SH3TC1: variants seen among roughly 807,000 people sequenced by gnomAD.
The protein encoded by SH3TC1 is SH3 domain and tetratricopeptide repeat-containing protein 1.
SH3TC1 carries 135 observed loss-of-function variants against 117.3 expected under a neutral mutation model. The observed-to-expected ratio is 1.15, with a 90% CI of 1.00 to 1.33. The LOEUF is 1.33. Among genes scored for constraint, SH3TC1 ranks in the 40% most tolerant of loss-of-function variants. The pLI, the probability that SH3TC1 is intolerant of heterozygous loss-of-function variation, is 0.00. For missense variants in SH3TC1, 2,092 were observed against 1,794.3 expected, an observed-to-expected ratio of 1.17 and a Z score of -3.00; for synonymous variants, 898 against 816.9, an observed-to-expected ratio of 1.10 and a Z score of -1.69.
At position 8,205,215 on chromosome 4, in the gene SH3TC1, G is replaced by C. The variant is rs1718101037; in HGVS notation, c.21G>C (p.Val7=). Residue 7 remains valine, a synonymous_variant, in exon 2 of 18, where the codon GTG becomes GTC. Transcript: ENST00000245105. The surrounding 1 kb of genome is among the most constrained non-coding windows in gnomAD (Gnocchi z 5.4). ...GGGTCATGGAGAACCTCCCTGCCGT[G>C]ACCACTGAGGAGCCGACCCCCATGG... The part of the protein sequence containing the change: MENLPA[V]TTEEPTPMGR... The C allele has an allele frequency of 6.5e-7, 1 of 1,543,874 alleles. No individual in the cohort carries two copies. Among genetic ancestry groups the C allele is most frequent in the Non-Finnish European group, 8.7e-7 (1 of 1,144,848 alleles).
At chr4:8,236,171 G>A in intron 15 of SH3TC1, 107 bp from the exon 16 acceptor site, 3 of 1,353,452 alleles carry the variant, frequency 2.2e-6, no homozygotes, top group Non-Finnish European at 2.0e-6. Flanking sequence ...TCGAGGCCCA[G>A]GGGTAGCTGG....
chr4:8,222,439 A>C lies in SH3TC1; in HGVS notation c.1113-401A>C, dbSNP rs368115965. On this transcript the variant is annotated intron_variant, in intron 9 of 17. Coordinates refer to ENST00000245105, the MANE Select transcript of SH3TC1 (RefSeq NM_018986.5). ...CCCAGGCTGGAGTGCAGTGGTGTGA[A>C]CTCGGCTCACTGCAACCTCTTCCTC... 3.8e-5 allele frequency among the ~76,000 whole-genome samples: 5 copies of C among 130,204 alleles called. No homozygotes were observed. In the East Asian group the frequency reaches 9.4e-4, roughly 24 times the overall value. 85.4% of individuals were successfully genotyped at this position (130,204 alleles called of 152,430 possible). A position where few individuals can be genotyped will look rare whatever the true frequency, so the allele number is the denominator to read the frequency against.
chr4:8,228,780 C>A, intron 12 of SH3TC1, 136 bp downstream of exon 12: 1 of 766,450 alleles, frequency 1.3e-6, no homozygotes. Flanking sequence ...CAGATGTTGG[C>A]AAGCGCCCTG....
At chr4:8,201,143 G>C (rs1284926295) in intron 1 of SH3TC1, among the ~76,000 whole-genome samples, 1 of 152,166 alleles carries the variant, frequency 6.6e-6, no homozygotes, top group Non-Finnish European at 1.5e-5. Context: ...TTCCGTAAGA[G>C]CCTGGCGAAA....
chr4:8,183,330 C>T lies in SH3TC1; in HGVS notation c.-57+1120C>T, dbSNP rs1717130637. Among the ~76,000 whole-genome samples, 1 of 152,214 alleles carries T rather than the reference C, an allele frequency of 6.6e-6. No individual in the cohort carries two copies. The highest frequency in any genetic ancestry group is 1.5e-5 in the Non-Finnish European group (1 of 68,024). ...TCACGCCTGGGGCTAGGATGCCCTT[C>T]CAAAGCCCTGCCTCGGTTTCCTGGT... On this transcript the variant is annotated intron_variant, in intron 1 of 16. Transcript: ENST00000508641. This position sits in a 1 kb window ranked among gnomAD's most constrained non-coding sequence, Gnocchi z 5.4.
chr4:8,230,783 CT>C (rs59242411), intron 12 of SH3TC1, among the ~76,000 whole-genome samples: 2,010 of 134,112 alleles, frequency 0.015, 36 homozygotes, highest in African/African-American at 0.048. Flanking sequence ...ATATGCTGTG[CT>C]TTTTTTTTTT....
rs1166779528 is a variant in SH3TC1 at position 8,217,129 on chromosome 4, A to T, written c.801A>T (p.Ala267=). Reference sequence around the variant, plus strand: ...CCAGCGTGTCCTCCGAGGAGGTGGCAGTGGCGGCCGCCCCGGAGCCTTTGA... The same window carrying T: ...CCAGCGTGTCCTCCGAGGAGGTGGCTGTGGCGGCCGCCCCGGAGCCTTTGA... ...PSPSVSSEEV[A]VAAAPEPLIP... The change falls in exon 7 of 18, where the codon GCA becomes GCT. Residue 267 remains alanine (A), a synonymous_variant. Coordinates refer to ENST00000245105, the MANE Select transcript of SH3TC1 (RefSeq NM_018986.5). The T allele has an allele frequency of 3.1e-6, 5 of 1,613,072 alleles. No homozygotes were observed. The highest frequency in any genetic ancestry group is 2.5e-6 in the Non-Finnish European group (3 of 1,179,694).
At chr4:8,195,346 G>A (rs1408647082), upstream of SH3TC1, among the ~76,000 whole-genome samples, 1 of 152,146 alleles carries the variant, frequency 6.6e-6, no homozygotes, top group African/African-American at 2.4e-5. Context: ...CCTGAGCTGG[G>A]GTTCGGACAG....
intron 1 of SH3TC1, among the ~76,000 whole-genome samples, chr4:8,191,030 G>A (rs1327152191): frequency 6.6e-6 from 1 of 152,196 alleles, no homozygotes; most frequent in Non-Finnish European, 1.5e-5. Context: ...CTGCAGGGCT[G>A]CTGTGGGGGC....
At chr4:8,198,972 G>A (rs1233096266), upstream of SH3TC1, among the ~76,000 whole-genome samples, 2 of 152,240 alleles carry the variant, frequency 1.3e-5, no homozygotes, top group Non-Finnish European at 2.9e-5. Context: ...AAATGGAAGA[G>A]GAACAGAGAT....
At chr4:8,212,484 C>T (rs529102728) in intron 3 of SH3TC1, among the ~76,000 whole-genome samples, 19 of 152,178 alleles carry the variant, frequency 1.2e-4, no homozygotes, top group Admixed American at 2.6e-4. Flanking sequence ...GCACTCACCC[C>T]GAAAGAAACA....
At chr4:8,236,466 C>T (rs1473772156) in intron 16 of SH3TC1, 38 bp downstream of exon 16, 4 of 1,412,576 alleles carry the variant, frequency 2.8e-6, no homozygotes, top group African/African-American at 1.5e-5. Context: ...AGGACCCACA[C>T]TTTGCCAGAG....
At chr4:8,239,317 G>GCA (rs200173464) in intron 17 of SH3TC1, among the ~76,000 whole-genome samples, 2,389 of 147,844 alleles carry the variant, frequency 0.016, 62 homozygotes, top group African/African-American at 0.053. Context: ...ACAGGCACAG[G>GCA]CACAGAGACA....
At chr4:8,184,101 G>A (rs932941330) in intron 1 of SH3TC1, among the ~76,000 whole-genome samples, 2 of 152,154 alleles carry the variant, frequency 1.3e-5, no homozygotes, top group Non-Finnish European at 2.9e-5. Flanking sequence ...AGGCATATAT[G>A]TGTACACCAA....
rs140242226 is a variant in SH3TC1, at chr4:8,216,217, C to T, written c.588C>T (p.Asn196=). ...ETAIQVHVDE[N]ALRLTHESLL... ...CCATCCAAGTCCATGTGGATGAGAA[C>T]GCCTTAAGGCTGACCCACGAGAGCC... The change falls in exon 6 of 18, where the codon AAC becomes AAT. Residue 196 remains asparagine, a synonymous_variant. Transcript: ENST00000245105. 2.7e-4 allele frequency: 434 copies of T among 1,613,798 alleles called. 1 individual carries two copies. The African/African-American group carries it at 5.1e-3, about 19-fold the overall frequency.
intron 3 of SH3TC1, 147 bp from the exon 4 acceptor site, chr4:8,212,554 A>G: frequency 9.0e-7 from 1 of 1,105,094 alleles, no homozygotes; most frequent in Non-Finnish European, 1.3e-6. Flanking sequence ...TTGAGATCTA[A>G]ACCCGGGGCT....
chr4:8,203,297 T>C (rs963447192), intron 1 of SH3TC1, among the ~76,000 whole-genome samples: 1 of 151,878 alleles, frequency 6.6e-6, no homozygotes, highest in African/African-American at 2.4e-5. Flanking sequence ...TGTGTGTGTG[T>C]GCTTGCACAC....
rs1336085873 is a variant in SH3TC1, at chr4:8,183,940, C to CG, written c.-57+1734dup. The stretch of plus-strand genomic sequence containing the variant: ...CTAATTTTTGTATTTTTAGTAGATA[C>CG]GGGGTTTCACCATGTTGGCCAGGCT... On this transcript the variant is annotated intron_variant, in intron 1 of 16. Coordinates refer to the SH3TC1 transcript ENST00000508641. This position sits in a 1 kb window ranked among gnomAD's most constrained non-coding sequence, Gnocchi z 5.4. Among the ~76,000 whole-genome samples, 1 of 152,072 alleles carries CG rather than the reference C, an allele frequency of 6.6e-6. No homozygotes were observed. The highest frequency in any genetic ancestry group is 1.5e-5 in the Non-Finnish European group (1 of 68,030).
rs1225552270 is a variant in SH3TC1, at chr4:8,219,341, G to C, written c.923G>C (p.Gly308Ala). The C allele has an allele frequency of 7.5e-6, 12 of 1,589,538 alleles. No individual in the cohort carries two copies. The highest frequency in any genetic ancestry group is 1.0e-5 in the Non-Finnish European group (12 of 1,164,018). ...VMPGNPLMAV[G>A]LASALADFQG... is the part of the protein sequence containing the mutation. ...ATGTGGCTTTCTTCCGCAGCTGTGG[G>C]CCTGGCCTCGGCATTGGCAGACTTC... is the stretch of plus-strand genomic sequence containing the variant. Residue 308 changes from glycine to alanine, a missense_variant, in exon 9 of 18, where the codon GGC becomes GCC. By Grantham distance (60) the Gly-to-Ala change is moderately conservative (BLOSUM62 0). Coordinates refer to ENST00000245105, the MANE Select transcript of SH3TC1 (RefSeq NM_018986.5).
Sources: allele counts gnomAD v4.1 joint callset (sites outside exome capture counted in the v4.1 genomes callset), GRCh38; gene constraint gnomAD v4.1.1; non-coding constraint Gnocchi (gnomAD v3.1); transcripts MANE v1.5; gene names NCBI Gene and HGNC (gene_info 2026-07-23, HGNC 2026-07-21).